The following CMTM8 variants were observed in gnomAD, a reference collection of about 807,000 sequenced individuals.
CMTM8 encodes the protein CKLF-like MARVEL transmembrane domain-containing protein 8.
Under a neutral mutation model 18.6 loss-of-function variants are expected in CMTM8, and 12 were observed. That is an observed-to-expected ratio of 0.65 (90% CI 0.41 to 1.05). The LOEUF is 1.05. CMTM8 is among the 50% of genes least tolerant of loss of function. The pLI, the probability that CMTM8 is intolerant of heterozygous loss-of-function variation, is 0.00. For missense variants in CMTM8, 217 were observed against 227.2 expected (o/e 0.95, Z 0.29); for synonymous variants, 87 against 90.6 (o/e 0.96, Z 0.23).
intron 1 of CMTM8, among the ~76,000 whole-genome samples, chr3:32,300,821 G>A (rs374760973): frequency 1.3e-5 from 2 of 151,966 alleles, no homozygotes; most frequent in African/African-American, 4.8e-5. Context: ...TTAGCTGGGC[G>A]TGGTGGCACA....
At chr3:32,362,187 C>T (rs1354735435) in intron 2 of CMTM8, among the ~76,000 whole-genome samples, 2 of 151,768 alleles carry the variant, frequency 1.3e-5, no homozygotes, top group Non-Finnish European at 2.9e-5. Context: ...ATTACAGGCG[C>T]TCACCACCAC....
chr3:32,243,909 T>C, intron 1 of CMTM8: 1 of 163,480 alleles, frequency 6.1e-6, no homozygotes. Flanking sequence ...GCTTCCAGCC[T>C]TTTCCTTTGG....
chr3:32,329,185 C>T (rs987930949), intron 1 of CMTM8, among the ~76,000 whole-genome samples: 6 of 152,156 alleles, frequency 3.9e-5, no homozygotes, highest in African/African-American at 1.2e-4. Flanking sequence ...CTTGCCTCAG[C>T]CTCCTGAGTA....
At chr3:32,359,482 C>A (rs981322906) in intron 2 of CMTM8, among the ~76,000 whole-genome samples, 2 of 152,090 alleles carry the variant, frequency 1.3e-5, no homozygotes, top group Non-Finnish European at 2.9e-5. Context: ...CCCAGCTACT[C>A]GGGAGGCTGA....
chr3:32,295,479 C>CAAAAA (rs58774314), intron 1 of CMTM8, among the ~76,000 whole-genome samples: 11 of 82,468 alleles, frequency 1.3e-4, no homozygotes, highest in Admixed American at 2.0e-4. Flanking sequence ...AAAAAAAAAA[C>CAAAAA]AAAACAAAAC....
At chr3:32,272,858 G>A (rs1487460399) in intron 1 of CMTM8, among the ~76,000 whole-genome samples, 1 of 152,234 alleles carries the variant, frequency 6.6e-6, no homozygotes, top group South Asian at 2.1e-4. Flanking sequence ...TTACATGGGT[G>A]GTTTCCTGTT....
At position 32,331,255 on chromosome 3, in the gene CMTM8, C is replaced by T. The variant is rs1342202424; in HGVS notation, c.148-26118C>T. Among the ~76,000 whole-genome samples, 3 of 152,036 alleles carry T rather than the reference C, an allele frequency of 2.0e-5. No individual in the cohort carries two copies. In the East Asian group the frequency reaches 5.8e-4, roughly 29 times the overall value. On this transcript the variant is annotated intron_variant, in intron 1 of 3. Coordinates refer to ENST00000307526, the MANE Select transcript of CMTM8 (RefSeq NM_178868.5). Reference sequence around the variant, plus strand: ...GTCATTAGGAAAATGCAAATCAAAACCATAATGAGCTATTACCTCACACCT... The same window carrying T: ...GTCATTAGGAAAATGCAAATCAAAATCATAATGAGCTATTACCTCACACCT...
chr3:32,274,652 A>G (rs1167990995), intron 1 of CMTM8, among the ~76,000 whole-genome samples: 1 of 152,242 alleles, frequency 6.6e-6, no homozygotes, highest in Non-Finnish European at 1.5e-5. Context: ...CAGTGTAACT[A>G]TCATTCTCAA....
chr3:32,279,435 T>A, intron 1 of CMTM8, among the ~76,000 whole-genome samples: 1 of 113,656 alleles, frequency 8.8e-6, no homozygotes, highest in East Asian at 2.4e-4. Flanking sequence ...GGTGTTTGGT[T>A]TTTTGTTCTT....
chr3:32,319,120 C>T (rs1386775737), intron 1 of CMTM8, among the ~76,000 whole-genome samples: 1 of 117,778 alleles, frequency 8.5e-6, no homozygotes, highest in Admixed American at 1.1e-4. Context: ...CTCTTGTCGC[C>T]CAGGCTGGAG....
chr3:32,364,770 A>G lies in CMTM8; in HGVS notation c.322-3102A>G, dbSNP rs183310906. 1.3e-3 allele frequency among the ~76,000 whole-genome samples: 199 copies of G among 152,296 alleles called. 1 individual carries two copies. In the Middle Eastern group the frequency reaches 0.02, roughly 16 times the overall value. Reference sequence around the variant, plus strand: ...ATCTTGCCTTCTTAGCTGTCTGAATAGATGTAACACTAGGGACAGGAGCTG... The same window carrying G: ...ATCTTGCCTTCTTAGCTGTCTGAATGGATGTAACACTAGGGACAGGAGCTG... On this transcript the variant is annotated intron_variant, in intron 2 of 3. Transcript: ENST00000307526.
intron 1 of CMTM8, among the ~76,000 whole-genome samples, chr3:32,314,309 C>A (rs1249633122): frequency 6.6e-6 from 1 of 151,840 alleles, no homozygotes; most frequent in Non-Finnish European, 1.5e-5. Context: ...GGTTGGGGTA[C>A]CAGAGGATTT....
At chr3:32,308,714 TA>T (rs1695762883) in intron 1 of CMTM8, among the ~76,000 whole-genome samples, 1 of 152,226 alleles carries the variant, frequency 6.6e-6, no homozygotes. Context: ...GTACTCAAAA[TA>T]GACATAATCT....
chr3:32,369,991 G>GAA lies in CMTM8; in HGVS notation c.*32_*33dup. On this transcript the variant is annotated 3_prime_UTR_variant, in exon 4 of 4. Transcript: ENST00000307526. ...GATTTACCATTTTGATAATTAAAAG[G>GAA]AAAAAAAAAGGAAGACTCTCACTGT... The GAA allele has an allele frequency of 2.2e-6, 3 of 1,359,406 alleles. No individual in the cohort carries two copies. Among genetic ancestry groups the GAA allele is most frequent in the Admixed American group, 2.0e-5 (1 of 50,238 alleles). 84.2% of individuals were successfully genotyped at this position (1,359,406 alleles called of 1,614,324 possible).
rs116228198 is a variant in CMTM8, at chr3:32,256,976, T to C, written c.147+17857T>C. On this transcript the variant is annotated intron_variant, in intron 1 of 3. Coordinates refer to ENST00000307526, the MANE Select transcript of CMTM8 (RefSeq NM_178868.5). ...GTCTTTTTTCCCTCCCTAGAAGCTT[T>C]TGAAATTGTTTCCCTATCTTCAGGG... Among the ~76,000 whole-genome samples the C allele has an allele frequency of 1.4e-3, 210 of 152,322 alleles. 1 individual carries two copies. The highest frequency in any genetic ancestry group is 4.8e-3 in the African/African-American group (201 of 41,576).
chr3:32,316,138 C>T (rs1283479302), intron 1 of CMTM8, among the ~76,000 whole-genome samples: 1 of 149,584 alleles, frequency 6.7e-6, no homozygotes, highest in Non-Finnish European at 1.5e-5. Flanking sequence ...GCCAATTCTC[C>T]TGCCTCAGCC....
chr3:32,275,772 C>G (rs1357593586), intron 1 of CMTM8, among the ~76,000 whole-genome samples: 1 of 151,450 alleles, frequency 6.6e-6, no homozygotes, highest in Non-Finnish European at 1.5e-5. Flanking sequence ...GCCTCAGCCT[C>G]CAGAGTAACT....
In CMTM8 at chr3:32,239,197, G is replaced by A. The variant is rs529566603; in HGVS notation, c.147+78G>A. ...TGCTTCCGCCGTGCTTCTCGGGATGGAGCCTGCTCAGATCTTCCCGCGGGC... is the reference window on the plus strand; with the variant it reads ...TGCTTCCGCCGTGCTTCTCGGGATGAAGCCTGCTCAGATCTTCCCGCGGGC... On this transcript the variant is annotated intron_variant, in intron 1 of 3. Coordinates refer to ENST00000307526, the MANE Select transcript of CMTM8 (RefSeq NM_178868.5). The A allele has an allele frequency of 1.0e-5, 15 of 1,482,892 alleles. No homozygotes were observed. The South Asian group carries it at 1.9e-4, about 19-fold the overall frequency. 91.9% of individuals were successfully genotyped at this position (1,482,892 alleles called of 1,614,324 possible).
intron 1 of CMTM8, among the ~76,000 whole-genome samples, chr3:32,309,604 G>T (rs1193494573): frequency 6.6e-6 from 1 of 152,086 alleles, no homozygotes; most frequent in Non-Finnish European, 1.5e-5. Flanking sequence ...ACCATACCTG[G>T]CCAACCAATT....
Sources: allele counts gnomAD v4.1 joint callset (sites outside exome capture counted in the v4.1 genomes callset), GRCh38; gene constraint gnomAD v4.1.1; transcripts MANE v1.5; gene names NCBI Gene and HGNC (gene_info 2026-07-23, HGNC 2026-07-21).